ZNF536: variants seen among roughly 807,000 people sequenced by gnomAD.
ZNF536 encodes the protein zinc finger protein 536.
Under a neutral mutation model 84.5 loss-of-function variants are expected in ZNF536, and 13 were observed. The ratio of observed to expected loss-of-function variants is 0.15; its 90% confidence interval spans 0.10 to 0.24. The LOEUF is 0.24. Ranked by LOEUF, ZNF536 falls within the 10% of genes least tolerant of loss-of-function variation. The probability of loss-of-function intolerance (pLI) is 1.00; values close to 1 mark genes in which losing one functional copy is unlikely to be tolerated. For missense variants in ZNF536, 1,536 were observed against 1,747.5 expected (o/e 0.88, Z 2.16); for synonymous variants, 811 against 742.5 (o/e 1.09, Z -1.50).
Position 30,252,758 on chromosome 19 carries a change from A to G in ZNF536, c.-190+24085A>G, listed in dbSNP as rs548616169. Among the ~76,000 whole-genome samples the G allele has an allele frequency of 2.0e-5, 3 of 152,318 alleles. No homozygotes were observed. In the East Asian group the frequency reaches 5.8e-4, roughly 29 times the overall value. On this transcript the variant is annotated intron_variant, in intron 1 of 5. Coordinates refer to the ZNF536 transcript ENST00000585628. Reference sequence around the variant, plus strand: ...AGATCCACTGTCTAATTCTCAGTAGATTGATTCTCCATTAGATCCCAGATA... The same window carrying G: ...AGATCCACTGTCTAATTCTCAGTAGGTTGATTCTCCATTAGATCCCAGATA...
At chr19:30,602,795 A>G (rs752146124) in intron 1 of ZNF536, among the ~76,000 whole-genome samples, 11 of 152,194 alleles carry the variant, frequency 7.2e-5, no homozygotes, top group Non-Finnish European at 1.5e-4. Flanking sequence ...TGTTTTCTGC[A>G]TGGAATCTGG....
At chr19:30,688,718 T>C (rs940453427) in intron 1 of ZNF536, among the ~76,000 whole-genome samples, 5 of 152,226 alleles carry the variant, frequency 3.3e-5, no homozygotes, top group Non-Finnish European at 5.9e-5. Flanking sequence ...TTAATACTGA[T>C]GGACTCCCAT....
chr19:30,364,848 G>T (rs2048378993), intron 3 of ZNF536, among the ~76,000 whole-genome samples: 1 of 152,134 alleles, frequency 6.6e-6, no homozygotes, highest in Non-Finnish European at 1.5e-5. Context: ...AGGTACTTTG[G>T]GTGATACAAG....
chr19:30,589,485 C>A (rs749439226), intron 1 of ZNF536, among the ~76,000 whole-genome samples: 1 of 152,182 alleles, frequency 6.6e-6, no homozygotes, highest in East Asian at 1.9e-4. Flanking sequence ...TTTTCTTGAA[C>A]TGTTGTTGCT....
chr19:30,314,748 T>C (rs1359039014), intron 2 of ZNF536, among the ~76,000 whole-genome samples: 1 of 152,032 alleles, frequency 6.6e-6, no homozygotes. Flanking sequence ...CTCTTATTGG[T>C]CTGATAGGAG....
chr19:30,483,497 C>T (rs1455908181), intron 2 of ZNF536, among the ~76,000 whole-genome samples: 2 of 150,222 alleles, frequency 1.3e-5, no homozygotes, highest in Admixed American at 1.3e-4. Context: ...CCCCACCCCA[C>T]CCATCCAACA....
chr19:30,492,063 A>T (rs1233636506), intron 2 of ZNF536, among the ~76,000 whole-genome samples: 1 of 136,640 alleles, frequency 7.3e-6, no homozygotes, highest in East Asian at 2.5e-4. Context: ...TACATAGGCG[A>T]TGGGCACAGA....
intron 3 of ZNF536, among the ~76,000 whole-genome samples, chr19:30,541,968 C>T (rs1458713302): frequency 6.6e-6 from 1 of 152,128 alleles, no homozygotes; most frequent in Admixed American, 6.5e-5. Context: ...AAAGACACCA[C>T]CATATTTATC....
intron 2 of ZNF536, among the ~76,000 whole-genome samples, chr19:30,325,260 G>T (rs1034476391): frequency 6.6e-6 from 1 of 152,198 alleles, no homozygotes; most frequent in South Asian, 2.1e-4. Flanking sequence ...AGTTAGAGGC[G>T]ATTTGCCTGT....
intron 1 of ZNF536, among the ~76,000 whole-genome samples, chr19:30,599,529 C>T (rs909930600): frequency 7.3e-6 from 1 of 136,928 alleles, no homozygotes; most frequent in South Asian, 2.5e-4. Context: ...CTTCCCTCCC[C>T]CAGCCCTTGT....
At chr19:30,304,100 G>A (rs2046274249) in intron 2 of ZNF536, among the ~76,000 whole-genome samples, 1 of 152,150 alleles carries the variant, frequency 6.6e-6, no homozygotes, top group Non-Finnish European at 1.5e-5. Context: ...CTCAGGCCTG[G>A]TGCCCTCAGT....
chr19:30,340,698 A>G (rs931145492), intron 2 of ZNF536, among the ~76,000 whole-genome samples: 7 of 152,208 alleles, frequency 4.6e-5, no homozygotes, highest in African/African-American at 7.2e-5. Flanking sequence ...GCTTTTTCTT[A>G]GTATGCAATT....
chr19:30,704,503 C>T (rs890510833), intron 1 of ZNF536, among the ~76,000 whole-genome samples: 2 of 151,838 alleles, frequency 1.3e-5, no homozygotes, highest in Admixed American at 6.6e-5. Flanking sequence ...AAAAATTACC[C>T]GGGCATGGTA....
intron 2 of ZNF536, among the ~76,000 whole-genome samples, chr19:30,326,818 T>TTTTTTTG (rs1568334046): frequency 7.0e-6 from 1 of 143,746 alleles, no homozygotes; most frequent in Admixed American, 6.9e-5. Context: ...TTTTTTTTTT[T>TTTTTTTG]GTTTTCTAGT....
upstream of ZNF536, among the ~76,000 whole-genome samples, chr19:30,371,616 G>A (rs1031778832): frequency 1.3e-4 from 19 of 142,986 alleles, no homozygotes; most frequent in African/African-American, 4.7e-4. Context: ...ATCCAGTGAT[G>A]TAATCTAGTA....
chr19:30,443,842 A>T lies in ZNF536; in HGVS notation c.280A>T (p.Thr94Ser), dbSNP rs752973320. 1.9e-6 allele frequency: 3 copies of T among 1,611,980 alleles called. No homozygotes were observed. The highest frequency in any genetic ancestry group is 2.5e-6 in the Non-Finnish European group (3 of 1,179,614). Residue 94 changes from threonine (T) to serine (S), a missense_variant, in exon 2 of 5, where the codon ACC (threonine) becomes TCC (serine). By Grantham distance (58) the Thr-to-Ser change is moderately conservative (BLOSUM62 1). Coordinates refer to ENST00000355537, the MANE Select transcript of ZNF536 (RefSeq NM_014717.3). ...CAACCAGCTGGGCCGGGAGGTGGACACCAGCCTCAACGGGAGGGTGGACTT... is the reference window on the plus strand; with the variant it reads ...CAACCAGCTGGGCCGGGAGGTGGACTCCAGCCTCAACGGGAGGGTGGACTT... ...LANQLGREVD[T>S]SLNGRVDLQQ...
At chr19:30,529,157 G>T (rs375472084) in intron 2 of ZNF536, among the ~76,000 whole-genome samples, 2 of 152,260 alleles carry the variant, frequency 1.3e-5, no homozygotes, top group South Asian at 2.1e-4. Flanking sequence ...ATTATACAAA[G>T]AAGTTCAGTG....
intron 2 of ZNF536, among the ~76,000 whole-genome samples, chr19:30,516,286 T>C (rs1052970884): frequency 7.9e-5 from 12 of 152,172 alleles, no homozygotes; most frequent in African/African-American, 2.7e-4. Context: ...TCCTCCGTCC[T>C]CCTGGGCAGC....
intron 1 of ZNF536, among the ~76,000 whole-genome samples, chr19:30,636,010 C>T (rs1380825536): frequency 6.6e-6 from 1 of 152,190 alleles, no homozygotes; most frequent in Non-Finnish European, 1.5e-5. Flanking sequence ...GTGGCTGCAA[C>T]GTTTTCCAGA....
Sources: gnomAD v4.1 joint callset for allele counts (sites outside exome capture counted in the v4.1 genomes callset) on GRCh38, gnomAD v4.1.1 for gene constraint, MANE v1.5 for transcripts, NCBI Gene and HGNC (gene_info 2026-07-23, HGNC 2026-07-21) for gene names.